Variants in MAP1LC3B observed in about 807,000 individuals in gnomAD.
MAP1LC3B encodes the protein microtubule associated protein 1 light chain 3 beta.
A neutral mutation model predicts 16.7 loss-of-function variants in MAP1LC3B; 12 were observed. The ratio of observed to expected loss-of-function variants is 0.72; its 90% CI spans 0.46 to 1.16. The LOEUF (loss-of-function observed/expected upper bound fraction) is 1.16. Among genes scored for constraint, MAP1LC3B ranks in the 50% most tolerant of loss-of-function variants. MAP1LC3B has a pLI of 0.00. For missense variants in MAP1LC3B, 155 were observed against 159.5 expected, an observed-to-expected ratio of 0.97 and a Z score of 0.15; for synonymous variants, 63 against 56.5, an observed-to-expected ratio of 1.11 and a Z score of -0.51.
In MAP1LC3B at chr16:87,399,174, T is replaced by C. The variant is rs982863651; in HGVS notation, c.96+304T>C. On this transcript the variant is annotated intron_variant, in intron 2 of 3. Coordinates refer to ENST00000268607, the MANE Select transcript of MAP1LC3B (RefSeq NM_022818.5). ...GGCACACACCACTACACCTGGCTAA[T>C]TTTTTAAGTTTTTTGTAGAGACAGG... 9 of 336,482 alleles carry C rather than the reference T, an allele frequency of 2.7e-5. No individual in the cohort carries two copies. In the Admixed American group the frequency reaches 4.2e-4, roughly 16 times the overall value. 20.8% of individuals were successfully genotyped at this position (336,482 alleles called of 1,614,324 possible).
At position 87,404,629 on chromosome 16, in the gene MAP1LC3B, T is replaced by G. The variant is rs1300240570; in HGVS notation, c.*1532T>G. The G allele has an allele frequency of 2.0e-5, 3 of 152,250 alleles. No individual in the cohort carries two copies. The highest frequency in any genetic ancestry group is 3.8e-4 in the East Asian group (2 of 5,204). 9.4% of individuals were successfully genotyped at this position (152,250 alleles called of 1,614,324 possible). A position where few individuals can be genotyped will look rare whatever the true frequency, so the allele number is the denominator to read the frequency against. On this transcript the variant is annotated 3_prime_UTR_variant, in exon 4 of 4. Transcript: ENST00000268607. ...TGTAACTACCGTGTGATCAGTAAGA[T>G]TCCTGTAAGAAATACTGCTTTTTAA...
chr16:87,399,055 G>A (rs1907898739), intron 2 of MAP1LC3B, 185 bp downstream of exon 2: 1 of 589,690 alleles, frequency 1.7e-6, no homozygotes, highest in Non-Finnish European at 3.0e-6. Context: ...TCCCAGGCTG[G>A]AGTGCAGTGG....
intron 2 of MAP1LC3B, chr16:87,400,104 A>G (rs867432722): frequency 1.9e-5 from 3 of 156,162 alleles, no homozygotes; most frequent in African/African-American, 4.9e-5. Context: ...ATATGAAACT[A>G]TATGTGTTCC....
Position 87,402,081 on chromosome 16 carries a change from C to T in MAP1LC3B, c.97-94C>T, listed in dbSNP as rs376563749. 173 of 1,203,776 alleles carry T rather than the reference C, an allele frequency of 1.4e-4. 1 individual carries two copies. The highest frequency in any genetic ancestry group is 7.2e-4 in the East Asian group (30 of 41,756). The allele number at this position is 1,203,776 out of a possible 1,614,324, so 74.6% of individuals were successfully genotyped here. A position where few individuals can be genotyped will look rare whatever the true frequency, so the allele number is the denominator to read the frequency against. Reference sequence around the variant, plus strand: ...CAGTCTCCTGACCTCGTGATGTGCCCGCCTCGGCCTCCCAAAATGCTGGGG... The same window carrying T: ...CAGTCTCCTGACCTCGTGATGTGCCTGCCTCGGCCTCCCAAAATGCTGGGG... On this transcript the variant is annotated intron_variant, in intron 2 of 3. Transcript: ENST00000268607.
Position 87,402,919 on chromosome 16 carries a change from A to G in MAP1LC3B, c.204-4A>G, listed in dbSNP as rs772467497. The G allele has an allele frequency of 2.5e-6, 4 of 1,613,700 alleles. No individual in the cohort carries two copies. The highest frequency in any genetic ancestry group is 1.3e-5 in the African/African-American group (1 of 75,038). ...TATTTCTTCACGTTGTTTTCTTTCAATAGAAGGCGCTTACAGCTCAATGCT... is the reference window on the plus strand; with the variant it reads ...TATTTCTTCACGTTGTTTTCTTTCAGTAGAAGGCGCTTACAGCTCAATGCT... On this transcript the variant is annotated splice_region_variant and splice_polypyrimidine_tract_variant and intron_variant, in intron 3 of 3. Coordinates refer to ENST00000268607, the MANE Select transcript of MAP1LC3B (RefSeq NM_022818.5).
At chr16:87,402,545 G>A (rs910435997) in intron 3 of MAP1LC3B, 8 of 554,440 alleles carry the variant, frequency 1.4e-5, no homozygotes, top group East Asian at 8.9e-5. Flanking sequence ...TTTAAAATCA[G>A]TGTTACAAGT....
At chr16:87,399,300 CT>C (rs1215653611) in intron 2 of MAP1LC3B, 4 of 259,282 alleles carry the variant, frequency 1.5e-5, no homozygotes, top group Non-Finnish European at 2.3e-5. Flanking sequence ...GCATGAGCCA[CT>C]GGCTGGCCTC....
In MAP1LC3B at chr16:87,398,846, A is replaced by T. The variant is rs146238244; in HGVS notation, c.72A>T (p.Arg24=). The part of the protein sequence containing the change: ...EQRVEDVRLI[R]EQHPTKIPVI... ...GAGTAGAAGATGTCCGACTTATTCG[A>T]GAGCAGCATCCAACCAAAATCCCGG... Residue 24 remains arginine (R), a synonymous_variant, in exon 2 of 4, where the codon CGA becomes CGT. Transcript: ENST00000268607. 127 of 1,614,062 alleles carry T rather than the reference A, an allele frequency of 7.9e-5. No homozygotes were observed. The African/African-American group carries it at 1.4e-3, about 18-fold the overall frequency.
At chr16:87,401,306 A>C (rs1907985541) in intron 2 of MAP1LC3B, among the ~76,000 whole-genome samples, 1 of 152,210 alleles carries the variant, frequency 6.6e-6, no homozygotes, top group African/African-American at 2.4e-5. Flanking sequence ...AAACTGAAAC[A>C]GAATGAAAGG....
chr16:87,404,385 C>A lies in MAP1LC3B; in HGVS notation c.*1288C>A, dbSNP rs1432356871. On this transcript the variant is annotated 3_prime_UTR_variant, in exon 4 of 4. Transcript: ENST00000268607. ...TGTGTGTTTAGATGTGTATGAAATACCTGTATACGTTAGTGAAAGCTGTTT... is the reference window on the plus strand; with the variant it reads ...TGTGTGTTTAGATGTGTATGAAATAACTGTATACGTTAGTGAAAGCTGTTT... 6.6e-6 allele frequency: 1 copy of A among 152,056 alleles called. No homozygotes were observed. Among genetic ancestry groups the A allele is most frequent in the Non-Finnish European group, 1.5e-5 (1 of 68,024 alleles). 9.4% of individuals were successfully genotyped at this position (152,056 alleles called of 1,614,324 possible).
Position 87,398,972 on chromosome 16 carries a change from C to T in MAP1LC3B, c.96+102C>T. ...GGTTTTTACAGGAATCACCAGACAG[C>T]CAAACCCTGGGTGTCAGTTTCACAA... On this transcript the variant is annotated intron_variant, in intron 2 of 3. Coordinates refer to ENST00000268607, the MANE Select transcript of MAP1LC3B (RefSeq NM_022818.5). The T allele has an allele frequency of 3.0e-6, 3 of 999,546 alleles. No homozygotes were observed. The Admixed American group carries it at 5.5e-5, about 18-fold the overall frequency. 61.9% of individuals were successfully genotyped at this position (999,546 alleles called of 1,614,324 possible).
intron 1 of MAP1LC3B, among the ~76,000 whole-genome samples, chr16:87,397,870 T>A (rs1907860003): frequency 6.6e-6 from 1 of 152,046 alleles, no homozygotes. Context: ...TTTTTTTTTT[T>A]AACACACATA....
At chr16:87,402,736 C>G (rs887443148) in intron 3 of MAP1LC3B, 187 bp from the exon 4 acceptor site, 9 of 716,952 alleles carry the variant, frequency 1.3e-5, no homozygotes, top group South Asian at 1.9e-5. Context: ...AATATGTAAT[C>G]TTTCAGTGAT....
chr16:87,393,176 T>A (rs1045041085), intron 1 of MAP1LC3B: 1 of 152,298 alleles, frequency 6.6e-6, no homozygotes, highest in Non-Finnish European at 1.5e-5. Context: ...ATACATCCCT[T>A]TTCTGCCGGT....
chr16:87,392,641 C>G, intron 1 of MAP1LC3B, 174 bp downstream of exon 1: 2 of 456,722 alleles, frequency 4.4e-6, no homozygotes, highest in Non-Finnish European at 6.1e-6. Context: ...GTGAGGGACC[C>G]AGGCCGGGAC....
intron 1 of MAP1LC3B, 69 bp downstream of exon 1, chr16:87,392,536 T>A: frequency 8.3e-7 from 1 of 1,211,984 alleles, no homozygotes; most frequent in East Asian, 3.5e-5. Context: ...CGGCAGGGCC[T>A]GGGACGCCGT....
At position 87,403,580 on chromosome 16, in the gene MAP1LC3B, C is replaced by A. The variant is rs1567502357; in HGVS notation, c.*483C>A. 6.5e-6 allele frequency: 1 copy of A among 153,570 alleles called. No individual in the cohort carries two copies. The highest frequency in any genetic ancestry group is 2.4e-5 in the African/African-American group (1 of 41,440). 9.5% of individuals were successfully genotyped at this position (153,570 alleles called of 1,614,324 possible). On this transcript the variant is annotated 3_prime_UTR_variant, in exon 4 of 4. Coordinates refer to ENST00000268607, the MANE Select transcript of MAP1LC3B (RefSeq NM_022818.5). ...TTTAGGCCTGAGTTGTGAAGCGCAA[C>A]CCCCGCAAAACGCATTTGCCATCAC...
In MAP1LC3B at chr16:87,392,349, C is replaced by A; in HGVS notation, c.-79C>A. The A allele has an allele frequency of 7.5e-7, 1 of 1,335,026 alleles. No individual in the cohort carries two copies. 82.7% of individuals were successfully genotyped at this position (1,335,026 alleles called of 1,614,324 possible). On this transcript the variant is annotated 5_prime_UTR_variant, in exon 1 of 4. Coordinates refer to ENST00000268607, the MANE Select transcript of MAP1LC3B (RefSeq NM_022818.5). ...GTGGCTATCGCCAGAGTCGGATTCG[C>A]CGCCGCAGCAGCCGCCGCCCCCGGG...
intron 1 of MAP1LC3B, among the ~76,000 whole-genome samples, chr16:87,398,391 A>G (rs1006543080): frequency 1.3e-5 from 2 of 152,174 alleles, no homozygotes; most frequent in African/African-American, 2.4e-5. Context: ...GAAAAATTGC[A>G]TTTCCTGGTT....
Sources: gnomAD v4.1 joint callset for allele counts (sites outside exome capture counted in the v4.1 genomes callset) on GRCh38, gnomAD v4.1.1 for gene constraint, MANE v1.5 for transcripts, NCBI Gene and HGNC (gene_info 2026-07-23, HGNC 2026-07-21) for gene names.